The following PRDM15 variants were observed in gnomAD, a reference collection of about 807,000 sequenced individuals.
The protein encoded by PRDM15 is PR domain zinc finger protein 15.
Under a neutral mutation model 128.6 loss-of-function variants are expected in PRDM15, and 64 were observed. The ratio of observed to expected loss-of-function variants is 0.50; its 90% CI spans 0.41 to 0.61. PRDM15 has a LOEUF of 0.61. PRDM15 is among the 20% of genes least tolerant of loss of function. The probability of loss-of-function intolerance (pLI) is 0.00; values close to 1 mark genes in which losing one functional copy is unlikely to be tolerated. For missense variants in PRDM15, 1,242 were observed against 1,569.1 expected (o/e 0.79, Z 3.52); for synonymous variants, 615 against 621.8 (o/e 0.99, Z 0.16).
chr21:41,822,006 T>G lies in PRDM15; in HGVS notation c.1793A>C (p.Glu598Ala). 6.2e-7 allele frequency: 1 copy of G among 1,614,120 alleles called. No homozygotes were observed. Among genetic ancestry groups the G allele is most frequent in the Non-Finnish European group, 8.5e-7 (1 of 1,180,036 alleles). Residue 598 changes from glutamate (E) to alanine (A), a missense_variant, in exon 15 of 24, where the codon GAA (glutamate) becomes GCA (alanine). By Grantham distance (107) the Glu-to-Ala change is moderately radical (BLOSUM62 -1). Coordinates refer to ENST00000398548, the MANE Select transcript of PRDM15 (RefSeq NM_001040424.3). The stretch of plus-strand genomic sequence containing the variant: ...GATCCCGATCTTGCCGATAAACTCT[T>G]CCCTCTGGTGGTCATCCATCAACGC... ...DIALMDDHQR[E>A]EFIGKIGISS...
chr21:41,857,705 A>T (rs2063680778), intron 3 of PRDM15, among the ~76,000 whole-genome samples: 1 of 152,236 alleles, frequency 6.6e-6, no homozygotes. Context: ...GGCTGCAGTG[A>T]GCCAAGACTG....
At chr21:41,872,337 C>G (rs2064242231) in intron 1 of PRDM15, among the ~76,000 whole-genome samples, 1 of 152,152 alleles carries the variant, frequency 6.6e-6, no homozygotes, top group Non-Finnish European at 1.5e-5. Context: ...GGCTAGCTTT[C>G]TTACATTCTC....
In PRDM15 at chr21:41,828,562, T is replaced by A. The variant is rs1034775963; in HGVS notation, c.1367-229A>T. ...TTGAAAAGCAGACACGGAGCTCACC[T>A]TTCATCACCAAGCAACGCCAGCCGC... On this transcript the variant is annotated intron_variant, in intron 11 of 23. Transcript: ENST00000398548. The surrounding 1 kb of genome is among the most constrained non-coding windows in gnomAD (Gnocchi z 5.7). 2.0e-5 allele frequency among the ~76,000 whole-genome samples: 3 copies of A among 151,552 alleles called. No homozygotes were observed. The highest frequency in any genetic ancestry group is 2.0e-4 in the Admixed American group (3 of 15,250).
chr21:41,829,519 TATA>T (rs1434196836), intron 11 of PRDM15, among the ~76,000 whole-genome samples: 6 of 149,808 alleles, frequency 4.0e-5, no homozygotes, highest in Admixed American at 4.0e-4. Flanking sequence ...ATCACACACA[TATA>T]ATCACACACC....
intron 1 of PRDM15, among the ~76,000 whole-genome samples, chr21:41,863,604 T>C (rs2063898193): frequency 6.7e-6 from 1 of 150,214 alleles, no homozygotes; most frequent in African/African-American, 2.5e-5. Context: ...AAACGGGAAA[T>C]GGGGGGTGAC....
intron 10 of PRDM15, 123 bp from the exon 11 acceptor site, chr21:41,835,647 C>G (rs1292911964): frequency 1.4e-6 from 1 of 701,828 alleles, no homozygotes; most frequent in Admixed American, 2.1e-5. Context: ...CTCCACCACC[C>G]TCCCGCTCTA....
In PRDM15 at chr21:41,838,031, G is replaced by C. The variant is rs2062954298; in HGVS notation, c.904C>G (p.Pro302Ala). 1 of 1,614,076 alleles carries C rather than the reference G, an allele frequency of 6.2e-7. No homozygotes were observed. The change falls in exon 8 of 24, where the codon CCG (proline) becomes GCG (alanine). Residue 302 changes from proline (P) to alanine (A), a missense_variant. Pro to Ala is a conservative substitution (Grantham distance 27). Coordinates refer to ENST00000398548, the MANE Select transcript of PRDM15 (RefSeq NM_001040424.3). ...GGCGTTGCACTCACAGGCTCATCCG[G>C]AGGGACCTCGGTAATGATCTCTGCC... ...QVAEIITEVP[P>A]DEPVSATPDE... is the part of the protein sequence containing the mutation.
rs62214690 is a variant in PRDM15 at position 41,828,586 on chromosome 21, G to A, written c.1367-253C>T. Among the ~76,000 whole-genome samples the A allele has an allele frequency of 0.059, 8,940 of 151,676 alleles. 333 individuals carry two copies. Among genetic ancestry groups the A allele is most frequent in the Non-Finnish European group, 0.082 (5,575 of 67,850 alleles). ...CTTTCATCACCAAGCAACGCCAGCC[G>A]CCTCCCTCCCGGGCCACCCTGCCCC... On this transcript the variant is annotated intron_variant, in intron 11 of 23. Coordinates refer to ENST00000398548, the MANE Select transcript of PRDM15 (RefSeq NM_001040424.3). This position sits in a 1 kb window ranked among gnomAD's most constrained non-coding sequence, Gnocchi z 5.7.
At chr21:41,819,489 C>CA in intron 18 of PRDM15, 93 bp downstream of exon 18, 2 of 1,335,714 alleles carry the variant, frequency 1.5e-6, no homozygotes, top group Non-Finnish European at 2.0e-6. Context: ...CCACCTTCCC[C>CA]ACACTCCCAG....
At chr21:41,829,174 C>T (rs2062590479) in intron 11 of PRDM15, among the ~76,000 whole-genome samples, 1 of 149,392 alleles carries the variant, frequency 6.7e-6, no homozygotes, top group African/African-American at 2.5e-5. Context: ...CAATCACACA[C>T]ACCACATACA....
rs765203345 is a variant in PRDM15, at chr21:41,821,110, T to C, written c.2017A>G (p.Met673Val). Residue 673 changes from methionine (M) to valine (V), a missense_variant, in exon 16 of 24, where the codon ATG becomes GTG. Transcript: ENST00000398548. This position sits in a 1 kb window ranked among gnomAD's most constrained non-coding sequence, Gnocchi z 5.4. ...GGCAGGTTTTCACGGTGGATGACCA[T>C]GTGGGCGTGGTAGGTGGCCTTCAGT... Reference protein sequence around the residue: ...FALKATYHAHMVIHRENLPDP... With the variant: ...FALKATYHAHVVIHRENLPDP... 1.2e-6 allele frequency: 2 copies of C among 1,614,070 alleles called. No individual in the cohort carries two copies. Among genetic ancestry groups the C allele is most frequent in the Non-Finnish European group, 1.7e-6 (2 of 1,180,028 alleles).
chr21:41,823,223 C>A (rs757288953), intron 14 of PRDM15, 95 bp downstream of exon 14: 1 of 1,492,444 alleles, frequency 6.7e-7, no homozygotes, highest in Non-Finnish European at 9.1e-7. Flanking sequence ...AGAAGCTGCC[C>A]TGCCCACAGA....
At chr21:41,861,767 G>A in intron 1 of PRDM15, 1 of 1,610,698 alleles carries the variant, frequency 6.2e-7, no homozygotes, top group Non-Finnish European at 8.5e-7. Flanking sequence ...AGCAGTGCCG[G>A]GTTGAAAACT....
chr21:41,847,187 TG>T lies in PRDM15; in HGVS notation c.542del (p.Ala181GlufsTer40), dbSNP rs2063292823. On this transcript the variant is annotated frameshift_variant, in exon 6 of 24. Coordinates refer to ENST00000398548, the MANE Select transcript of PRDM15 (RefSeq NM_001040424.3). LOFTEE classifies it high-confidence loss of function. ...LKQAGSGVHA[A>X]GTPENSAPVE... ...CGGGGGCGCTGTTTTCTGGGGTGCC[TG>T]CAGCTTCAAAAGACATGAGAGGAGA... 1.3e-6 allele frequency: 2 copies of T among 1,550,496 alleles called. No individual in the cohort carries two copies. The highest frequency in any genetic ancestry group is 4.9e-5 in the East Asian group (2 of 41,226).
At chr21:41,819,016 G>A (rs1035226914) in intron 18 of PRDM15, among the ~76,000 whole-genome samples, 1 of 152,254 alleles carries the variant, frequency 6.6e-6, no homozygotes, top group South Asian at 2.1e-4. Flanking sequence ...TGGTGGCTTT[G>A]GGAATCATTC....
chr21:41,829,325 ACAC>A (rs1290538198), intron 11 of PRDM15, among the ~76,000 whole-genome samples: 1 of 151,352 alleles, frequency 6.6e-6, no homozygotes, highest in Non-Finnish European at 1.5e-5. Context: ...TATACTCAAC[ACAC>A]CACACAAAAA....
In PRDM15 at chr21:41,799,116, T is replaced by C. The variant is rs941549697; in HGVS notation, c.*2124A>G. ...CACTAAAACAACTTCTTTAAAAAAA[T>C]AAAATTGTGATTTCCAAGGCCTTTA... On this transcript the variant is annotated 3_prime_UTR_variant, in exon 24 of 24. Coordinates refer to ENST00000398548, the MANE Select transcript of PRDM15 (RefSeq NM_001040424.3). The C allele has an allele frequency of 2.6e-5, 4 of 152,146 alleles. No homozygotes were observed. Among genetic ancestry groups the C allele is most frequent in the Admixed American group, 6.5e-5 (1 of 15,278 alleles). The allele number at this position is 152,146 out of a possible 1,614,324, so 9.4% of individuals were successfully genotyped here. A position where few individuals can be genotyped will look rare whatever the true frequency, so the allele number is the denominator to read the frequency against.
At position 41,879,078 on chromosome 21, in the gene PRDM15, C is replaced by T. The variant is rs1212669130; in HGVS notation, c.-10+192G>A. 8.8e-7 allele frequency: 1 copy of T among 1,131,676 alleles called. No homozygotes were observed. The highest frequency in any genetic ancestry group is 1.1e-6 in the Non-Finnish European group (1 of 898,032). The allele number at this position is 1,131,676 out of a possible 1,614,324, so 70.1% of individuals were successfully genotyped here. ...GTTTTGACTCCGATCGCCAACGGTG[C>T]CCGCAGCCGGCGAATGTAACAAAGA... On this transcript the variant is annotated intron_variant, in intron 1 of 23. Coordinates refer to ENST00000398548, the MANE Select transcript of PRDM15 (RefSeq NM_001040424.3). The surrounding 1 kb of genome is among the most constrained non-coding windows in gnomAD (Gnocchi z 5.1).
intron 13 of PRDM15, among the ~76,000 whole-genome samples, chr21:41,825,292 T>G (rs1398429445): frequency 6.6e-6 from 1 of 152,276 alleles, no homozygotes; most frequent in East Asian, 1.9e-4. Context: ...GACCACGGCA[T>G]GGACCCCAGG....
Sources: allele counts gnomAD v4.1 joint callset (sites outside exome capture counted in the v4.1 genomes callset), GRCh38; gene constraint gnomAD v4.1.1; non-coding constraint Gnocchi (gnomAD v3.1); transcripts MANE v1.5; gene names NCBI Gene and HGNC (gene_info 2026-07-23, HGNC 2026-07-21).